Variants in HMBOX1 observed in about 807,000 individuals in gnomAD.
The protein encoded by HMBOX1 is homeobox containing 1, also known as homeobox-containing protein 1.
A neutral mutation model predicts 54.5 loss-of-function variants in HMBOX1; 14 were observed. The observed-to-expected ratio is 0.26, with a 90% CI of 0.17 to 0.40. The LOEUF is 0.40. HMBOX1 is among the 10% of genes least tolerant of loss of function. The pLI, the probability that HMBOX1 is intolerant of heterozygous loss-of-function variation, is 1.00. For missense variants in HMBOX1, 332 were observed against 514.4 expected (o/e 0.65, Z 3.43); for synonymous variants, 160 against 181.0 (o/e 0.88, Z 0.93).
intron 1 of HMBOX1, among the ~76,000 whole-genome samples, chr8:28,897,756 T>C (rs1298976391): frequency 6.6e-6 from 1 of 152,246 alleles, no homozygotes; most frequent in African/African-American, 2.4e-5. Flanking sequence ...GAGGATATGT[T>C]AGAATCTGTG....
chr8:29,010,480 C>T (rs1232649699), intron 5 of HMBOX1, among the ~76,000 whole-genome samples: 3 of 151,596 alleles, frequency 2.0e-5, no homozygotes, highest in Non-Finnish European at 4.4e-5. Context: ...TGCTTTAACT[C>T]GGGAGACAGA....
At chr8:28,905,417 A>G (rs2131608918) in intron 1 of HMBOX1, among the ~76,000 whole-genome samples, 1 of 152,352 alleles carries the variant, frequency 6.6e-6, no homozygotes, top group South Asian at 2.1e-4. Flanking sequence ...TAAAAGCATA[A>G]TATAGTTTTA....
At chr8:28,976,724 T>G (rs1281368469) in intron 3 of HMBOX1, among the ~76,000 whole-genome samples, 2 of 150,464 alleles carry the variant, frequency 1.3e-5, no homozygotes, top group South Asian at 2.1e-4. Flanking sequence ...TTTTTTTTTT[T>G]GAGATGGAGT....
At chr8:29,042,627 GACTTTGTCCAGGAAC>G (rs1187812948) in intron 6 of HMBOX1, 3 of 455,822 alleles carry the variant, frequency 6.6e-6, no homozygotes, top group African/African-American at 6.0e-5. Context: ...CCTATTTTAT[GACTTTGTCCAGGAAC>G]ACTTGGTCCC....
At chr8:28,993,039 T>A (rs1024041446) in intron 4 of HMBOX1, among the ~76,000 whole-genome samples, 1 of 87,850 alleles carries the variant, frequency 1.1e-5, no homozygotes, top group Admixed American at 1.4e-4. Context: ...TTATGCCAAA[T>A]CAACACCTAG....
At chr8:28,913,855 C>CTTTTTTT (rs1304959910) in intron 1 of HMBOX1, among the ~76,000 whole-genome samples, 1 of 101,342 alleles carries the variant, frequency 9.9e-6, no homozygotes, top group Non-Finnish European at 2.0e-5. Flanking sequence ...TCAAGTGATT[C>CTTTTTTT]TTTTTTTTTT....
Position 28,970,572 on chromosome 8 carries a change from G to A in HMBOX1, c.500+53G>A. 1 of 1,164,182 alleles carries A rather than the reference G, an allele frequency of 8.6e-7. No individual in the cohort carries two copies. The highest frequency in any genetic ancestry group is 1.2e-6 in the Non-Finnish European group (1 of 820,358). 72.1% of individuals were successfully genotyped at this position (1,164,182 alleles called of 1,614,324 possible). A position where few individuals can be genotyped will look rare whatever the true frequency, so the allele number is the denominator to read the frequency against. On this transcript the variant is annotated intron_variant, in intron 3 of 9. Transcript: ENST00000287701. The surrounding 1 kb of genome is among the most constrained non-coding windows in gnomAD (Gnocchi z 4.3). Reference sequence around the variant, plus strand: ...CTAAAAATGTCTGTATTCTTAGATTGTTTTTAAGTAGTATGCTGCGTTTCA... The same window carrying A: ...CTAAAAATGTCTGTATTCTTAGATTATTTTTAAGTAGTATGCTGCGTTTCA...
intron 5 of HMBOX1, among the ~76,000 whole-genome samples, chr8:29,012,892 C>T (rs1047758020): frequency 1.3e-5 from 2 of 152,010 alleles, no homozygotes; most frequent in African/African-American, 4.8e-5. Context: ...TCAAGTAATT[C>T]TTTTATTTCA....
At chr8:29,041,781 A>G (rs542673584) in intron 6 of HMBOX1, among the ~76,000 whole-genome samples, 21 of 152,188 alleles carry the variant, frequency 1.4e-4, no homozygotes, top group Admixed American at 1.4e-3. Flanking sequence ...GGTAGCATGC[A>G]TATATGGGAG....
At chr8:29,024,328 G>A (rs183114274) in intron 6 of HMBOX1, among the ~76,000 whole-genome samples, 2 of 152,288 alleles carry the variant, frequency 1.3e-5, no homozygotes, top group East Asian at 3.9e-4. Flanking sequence ...ATAATGTTAG[G>A]AGCATTCTTA....
At chr8:28,925,150 G>T (rs1442759055) in intron 1 of HMBOX1, among the ~76,000 whole-genome samples, 1 of 152,102 alleles carries the variant, frequency 6.6e-6, no homozygotes, top group African/African-American at 2.4e-5. Context: ...TATGTGACAT[G>T]TGAAAGTTAT....
At position 28,957,046 on chromosome 8, in the gene HMBOX1, A is replaced by G. The variant is rs74473096; in HGVS notation, c.-57-6765A>G. 7.8e-3 allele frequency among the ~76,000 whole-genome samples: 1,191 copies of G among 152,320 alleles called. 18 individuals are homozygous for G. The highest frequency in any genetic ancestry group is 0.028 in the African/African-American group (1,157 of 41,572). On this transcript the variant is annotated intron_variant, in intron 1 of 9. Coordinates refer to ENST00000287701, the MANE Select transcript of HMBOX1 (RefSeq NM_001135726.3). ...TTGGAGAGTCCTCAAAGAACCAACA[A>G]TGGCCTGGGCGTGGAGGGTATAAAC...
intron 4 of HMBOX1, among the ~76,000 whole-genome samples, chr8:28,999,737 A>G (rs1339674113): frequency 1.3e-5 from 2 of 151,896 alleles, no homozygotes; most frequent in East Asian, 3.9e-4. Flanking sequence ...TTTGGTTCTT[A>G]TAATTTTTGT....
At chr8:28,983,023 C>T (rs1365233824) in intron 4 of HMBOX1, among the ~76,000 whole-genome samples, 2 of 152,104 alleles carry the variant, frequency 1.3e-5, no homozygotes, top group Non-Finnish European at 2.9e-5. Context: ...CGGCTATCAT[C>T]TCCTGTTTTC....
chr8:28,965,280 T>A (rs1045431902), intron 2 of HMBOX1, among the ~76,000 whole-genome samples: 4 of 152,234 alleles, frequency 2.6e-5, no homozygotes, highest in Non-Finnish European at 5.9e-5. Context: ...TCTCCCTTTA[T>A]AAATGTGCAT....
At chr8:29,040,236 C>T (rs950054157) in intron 6 of HMBOX1, among the ~76,000 whole-genome samples, 3 of 152,128 alleles carry the variant, frequency 2.0e-5, no homozygotes, top group Non-Finnish European at 2.9e-5. Context: ...ATCTTCTTCT[C>T]GAACCATAAT....
At chr8:28,964,061 T>C (rs1826046608) in intron 2 of HMBOX1, among the ~76,000 whole-genome samples, 171 bp downstream of exon 2, 1 of 152,230 alleles carries the variant, frequency 6.6e-6, no homozygotes, top group African/African-American at 2.4e-5. Context: ...ATAAGTGTCA[T>C]GATCATGTGG....
chr8:28,897,234 T>G (rs945235675), intron 1 of HMBOX1, among the ~76,000 whole-genome samples: 3 of 151,898 alleles, frequency 2.0e-5, no homozygotes, highest in Non-Finnish European at 4.4e-5. Context: ...CCACCCGCCT[T>G]GGCCTCCCAA....
At chr8:28,925,413 G>A (rs1818277023) in intron 1 of HMBOX1, among the ~76,000 whole-genome samples, 1 of 152,060 alleles carries the variant, frequency 6.6e-6, no homozygotes, top group African/African-American at 2.4e-5. Flanking sequence ...CTTTTTAAAT[G>A]GCAGCCATGT....
Sources: gnomAD v4.1 joint callset for allele counts (sites outside exome capture counted in the v4.1 genomes callset) on GRCh38, gnomAD v4.1.1 for gene constraint, Gnocchi (gnomAD v3.1) non-coding constraint, MANE v1.5 for transcripts, NCBI Gene and HGNC (gene_info 2026-07-23, HGNC 2026-07-21) for gene names.